SMYD3: variants seen among roughly 807,000 people sequenced by gnomAD.
SMYD3 encodes the protein histone-lysine N-methyltransferase SMYD3.
SMYD3 carries 36 observed loss-of-function variants against 57.7 expected under a neutral mutation model. The ratio of observed to expected loss-of-function variants is 0.62; its 90% CI spans 0.48 to 0.82. The LOEUF (loss-of-function observed/expected upper bound fraction) is 0.82. SMYD3 is among the 40% of genes least tolerant of loss of function. The probability of loss-of-function intolerance (pLI) is 0.00; values close to 1 mark genes in which losing one functional copy is unlikely to be tolerated. For missense variants in SMYD3, 515 were observed against 538.8 expected (o/e 0.96, Z 0.44); for synonymous variants, 211 against 195.0 (o/e 1.08, Z -0.68).
In SMYD3 at chr1:246,225,145, G is replaced by A. The variant is rs116610232; in HGVS notation, c.531+102056C>T. ...AGGGTTTATTTAACGAGAAAGAAAG[G>A]AGAAGAAAGCTCAGGACTCAGCCTT... On this transcript the variant is annotated intron_variant, in intron 5 of 11. Transcript: ENST00000490107. Among the ~76,000 whole-genome samples, 944 of 151,666 alleles carry A rather than the reference G, an allele frequency of 6.2e-3. 20 individuals are homozygous for A. The highest frequency in any genetic ancestry group is 0.021 in the African/African-American group (873 of 41,270).
intron 1 of SMYD3, among the ~76,000 whole-genome samples, chr1:246,442,883 G>A (rs1012010181): frequency 1.3e-5 from 2 of 152,064 alleles, no homozygotes; most frequent in African/African-American, 4.8e-5. Context: ...TGGGAAGGAC[G>A]GTTAGTTCTT....
intron 5 of SMYD3, among the ~76,000 whole-genome samples, chr1:246,097,845 T>C (rs913254906): frequency 3.3e-5 from 5 of 152,180 alleles, no homozygotes; most frequent in Admixed American, 2.6e-4. Flanking sequence ...ATCTAGTTGG[T>C]TTTCTTTGAG....
At chr1:246,353,815 C>T (rs916979190) in intron 2 of SMYD3, among the ~76,000 whole-genome samples, 1 of 152,142 alleles carries the variant, frequency 6.6e-6, no homozygotes, top group African/African-American at 2.4e-5. Flanking sequence ...CAGTGCCTGG[C>T]ACACAGTGGA....
intron 5 of SMYD3, among the ~76,000 whole-genome samples, chr1:246,220,197 T>A (rs532886094): frequency 6.6e-6 from 1 of 152,094 alleles, no homozygotes; most frequent in Non-Finnish European, 1.5e-5. Context: ...TTGACTAGGA[T>A]ATTGATGGTA....
intron 1 of SMYD3, among the ~76,000 whole-genome samples, chr1:246,371,139 A>G (rs1412636883): frequency 2.0e-5 from 3 of 152,240 alleles, no homozygotes; most frequent in East Asian, 1.9e-4. Context: ...TTAAAACGCC[A>G]GGGTCCTTAT....
At chr1:246,425,903 T>G (rs1458409400) in intron 1 of SMYD3, 4 of 152,248 alleles carry the variant, frequency 2.6e-5, no homozygotes, top group Non-Finnish European at 5.9e-5. Context: ...AAAGTTTTCT[T>G]CCTGTAAGTT....
In SMYD3 at chr1:246,416,605, G is replaced by C. The variant is rs139005278; in HGVS notation, c.165-61511C>G. Reference sequence around the variant, plus strand: ...TAAGGTCATATAAAATGAAAGTAAAGGGGGAAAATAAAGAATTCATTTTTG... The same window carrying C: ...TAAGGTCATATAAAATGAAAGTAAACGGGGAAAATAAAGAATTCATTTTTG... On this transcript the variant is annotated intron_variant, in intron 1 of 11. Transcript: ENST00000490107. Among the ~76,000 whole-genome samples, 692 of 151,306 alleles carry C rather than the reference G, an allele frequency of 4.6e-3. 9 individuals are homozygous for C. The highest frequency in any genetic ancestry group is 0.016 in the African/African-American group (647 of 41,284).
At chr1:246,072,588 G>C (rs76037064) in intron 5 of SMYD3, among the ~76,000 whole-genome samples, 3,028 of 152,296 alleles carry the variant, frequency 0.02, 143 homozygotes, top group East Asian at 0.16. Flanking sequence ...TTAATTTTCG[G>C]TGTCAGCTTG....
At chr1:246,454,728 C>G (rs948317368) in intron 1 of SMYD3, among the ~76,000 whole-genome samples, 3 of 152,128 alleles carry the variant, frequency 2.0e-5, no homozygotes. Flanking sequence ...AGTCACTGTG[C>G]TAGGCTTTTA....
chr1:246,326,077 AT>A (rs1332178550), intron 5 of SMYD3: 1 of 277,588 alleles, frequency 3.6e-6, no homozygotes. Context: ...ATAAAAATAC[AT>A]TTGAGAAAAA....
At chr1:246,274,397 T>C (rs1000736902) in intron 5 of SMYD3, among the ~76,000 whole-genome samples, 6 of 152,216 alleles carry the variant, frequency 3.9e-5, no homozygotes, top group African/African-American at 1.4e-4. Flanking sequence ...CACAGTCATA[T>C]AATAAAAAAC....
At chr1:245,997,539 G>A (rs1435600658) in intron 5 of SMYD3, among the ~76,000 whole-genome samples, 3 of 152,204 alleles carry the variant, frequency 2.0e-5, no homozygotes, top group African/African-American at 7.2e-5. Flanking sequence ...ATCAGCAGTG[G>A]CAGGGATTAT....
chr1:246,146,528 C>T (rs3904857), intron 5 of SMYD3, among the ~76,000 whole-genome samples: 69,272 of 152,054 alleles, frequency 0.46, 19,544 homozygotes, highest in Non-Finnish European at 0.64. Context: ...ACAGTAAACA[C>T]AATTGGCTTT....
intron 5 of SMYD3, among the ~76,000 whole-genome samples, chr1:246,314,603 C>T (rs1292208818): frequency 6.6e-6 from 1 of 152,122 alleles, no homozygotes; most frequent in Non-Finnish European, 1.5e-5. Context: ...AAGACAGGTA[C>T]CAGTGTCTAA....
chr1:245,768,288 A>C (rs891454839), intron 10 of SMYD3, among the ~76,000 whole-genome samples: 1 of 152,212 alleles, frequency 6.6e-6, no homozygotes, highest in Non-Finnish European at 1.5e-5. Context: ...ACAAGCAGAG[A>C]AAAGAAGGAA....
At chr1:245,950,415 A>AGTATTTTTTTCT (rs1339850658) in intron 5 of SMYD3, among the ~76,000 whole-genome samples, 8 of 152,144 alleles carry the variant, frequency 5.3e-5, no homozygotes, top group Non-Finnish European at 8.8e-5. Context: ...AACAGGACTG[A>AGTATTTTTTTCT]GTATTTTTTT....
At chr1:246,381,672 CA>C (rs1240995399) in intron 1 of SMYD3, among the ~76,000 whole-genome samples, 3 of 152,216 alleles carry the variant, frequency 2.0e-5, no homozygotes, top group African/African-American at 7.2e-5. Flanking sequence ...ATATTTTATA[CA>C]GTGAATAAAT....
At chr1:246,418,447 A>C (rs2067095890) in intron 1 of SMYD3, among the ~76,000 whole-genome samples, 1 of 152,180 alleles carries the variant, frequency 6.6e-6, no homozygotes. Context: ...ACAGCTCCTG[A>C]AGCCCCAGTG....
chr1:246,475,682 T>C (rs561582824), intron 1 of SMYD3, among the ~76,000 whole-genome samples: 1 of 152,106 alleles, frequency 6.6e-6, no homozygotes, highest in South Asian at 2.1e-4. Flanking sequence ...TGGCACAATC[T>C]CGGCTCACTG....
Sources: gnomAD v4.1 joint callset for allele counts (sites outside exome capture counted in the v4.1 genomes callset) on GRCh38, gnomAD v4.1.1 for gene constraint, MANE v1.5 for transcripts, NCBI Gene and HGNC (gene_info 2026-07-23, HGNC 2026-07-21) for gene names.